NCAM1: variants seen among roughly 807,000 people sequenced by gnomAD.
NCAM1 encodes antigen recognized by monoclonal antibody 5.1H11.
Under a neutral mutation model 109.8 loss-of-function variants are expected in NCAM1, and 14 were observed. The ratio of observed to expected loss-of-function variants is 0.13; its 90% confidence interval spans 0.08 to 0.20. NCAM1 has a LOEUF of 0.20. Ranked by LOEUF, NCAM1 falls within the 10% of genes least tolerant of loss-of-function variation. The pLI is 1.00. For synonymous variants in NCAM1, 418 were observed against 442.9 expected (o/e 0.94, Z 0.70); for missense variants, 774 against 1,109.9 (o/e 0.70, Z 4.30).
chr11:113,092,943 C>G (rs1324357980), intron 1 of NCAM1, among the ~76,000 whole-genome samples: 1 of 152,152 alleles, frequency 6.6e-6, no homozygotes, highest in Admixed American at 6.5e-5. Flanking sequence ...TATGAAAATA[C>G]TAAATGCTAA....
rs1272777545 is a variant in NCAM1, at chr11:113,009,315, T to TTTTTGTTGTTG, written c.52+47655_52+47656insGTTGTTGTTTT. ...TTAATTGGAAGGGTTTTTTCGGGTT[T>TTTTTGTTGTTG]TTTTTTTTTTTTTTTTTTTTTTTTT... is the stretch of plus-strand genomic sequence containing the variant. On this transcript the variant is annotated intron_variant, in intron 1 of 19. Coordinates refer to ENST00000316851, the MANE Select transcript of NCAM1 (RefSeq NM_181351.5). Among the ~76,000 whole-genome samples the TTTTTGTTGTTG allele has an allele frequency of 5.5e-3, 517 of 93,658 alleles. 10 individuals carry two copies. The highest frequency in any genetic ancestry group is 0.017 in the South Asian group (30 of 1,794). 61.4% of individuals were successfully genotyped at this position (93,658 alleles called of 152,430 possible).
At chr11:113,056,882 T>C (rs1312216421) in intron 1 of NCAM1, among the ~76,000 whole-genome samples, 2 of 152,206 alleles carry the variant, frequency 1.3e-5, no homozygotes, top group Non-Finnish European at 2.9e-5. Flanking sequence ...CAGCGATAGA[T>C]AACTAATATA....
At chr11:113,043,110 G>A (rs571447609) in intron 1 of NCAM1, among the ~76,000 whole-genome samples, 2 of 152,162 alleles carry the variant, frequency 1.3e-5, no homozygotes, top group South Asian at 2.1e-4. Flanking sequence ...TTCCTCCCCA[G>A]GGTGGTAAAT....
At chr11:113,250,644 A>G (rs574908863) in intron 15 of NCAM1, among the ~76,000 whole-genome samples, 1 of 152,352 alleles carries the variant, frequency 6.6e-6, no homozygotes, top group Admixed American at 6.5e-5. Flanking sequence ...GTATTTTTAA[A>G]ACTAGACAGT....
intron 1 of NCAM1, among the ~76,000 whole-genome samples, chr11:113,100,440 G>A (rs1239288343): frequency 6.6e-6 from 1 of 152,148 alleles, no homozygotes; most frequent in Non-Finnish European, 1.5e-5. Flanking sequence ...ACCTTGCCCT[G>A]TTGGTCCCTG....
intron 1 of NCAM1, among the ~76,000 whole-genome samples, chr11:113,025,487 G>A (rs541104667): frequency 1.3e-5 from 2 of 152,046 alleles, no homozygotes; most frequent in Non-Finnish European, 2.9e-5. Context: ...GACACATGGT[G>A]TAAACGTAAA....
chr11:112,968,272 G>A (rs552498946), intron 1 of NCAM1, among the ~76,000 whole-genome samples: 145 of 152,254 alleles, frequency 9.5e-4, no homozygotes, highest in African/African-American at 2.8e-3. Flanking sequence ...TGTCACTGCC[G>A]ATATTCTTGT....
In NCAM1 at chr11:112,962,097, C is replaced by T. The variant is rs2134406971; in HGVS notation, c.52+433C>T. On this transcript the variant is annotated intron_variant, in intron 1 of 19. Coordinates refer to ENST00000316851, the MANE Select transcript of NCAM1 (RefSeq NM_181351.5). The surrounding 1 kb of genome is among the most constrained non-coding windows in gnomAD (Gnocchi z 5.6). ...GGGAAGTGGCTTGTCAGCCCCGGCTCCGGGAAGAGTGAACAATAAGGCTAG... is the reference window on the plus strand; with the variant it reads ...GGGAAGTGGCTTGTCAGCCCCGGCTTCGGGAAGAGTGAACAATAAGGCTAG... Among the ~76,000 whole-genome samples the T allele has an allele frequency of 6.6e-6, 1 of 152,264 alleles. No individual in the cohort carries two copies. The highest frequency in any genetic ancestry group is 1.9e-4 in the East Asian group (1 of 5,158).
intron 1 of NCAM1, among the ~76,000 whole-genome samples, chr11:112,997,536 G>C (rs1770524798): frequency 6.6e-6 from 1 of 151,974 alleles, no homozygotes; most frequent in African/African-American, 2.4e-5. Context: ...CAAATGATAG[G>C]GTCATGAGTT....
chr11:113,261,462 A>G (rs1945995754), intron 17 of NCAM1, among the ~76,000 whole-genome samples: 1 of 151,932 alleles, frequency 6.6e-6, no homozygotes, highest in Non-Finnish European at 1.5e-5. Context: ...CAGAAGCATC[A>G]ATTGGTCCAC....
At chr11:113,129,971 G>T (rs745832559) in intron 1 of NCAM1, among the ~76,000 whole-genome samples, 6 of 152,156 alleles carry the variant, frequency 3.9e-5, no homozygotes, top group South Asian at 4.1e-4. Context: ...TTATTATCAC[G>T]TTTTTTAACA....
chr11:113,261,564 G>A (rs754462343), intron 17 of NCAM1, among the ~76,000 whole-genome samples: 1 of 152,156 alleles, frequency 6.6e-6, no homozygotes, highest in Non-Finnish European at 1.5e-5. Flanking sequence ...GGCAAGGCAC[G>A]TGGGCAAGGC....
chr11:113,160,821 G>A (rs1942577174), intron 1 of NCAM1, among the ~76,000 whole-genome samples: 1 of 152,194 alleles, frequency 6.6e-6, no homozygotes, highest in Non-Finnish European at 1.5e-5. Context: ...GTACAATGAA[G>A]CCCAAGCTCG....
intron 1 of NCAM1, among the ~76,000 whole-genome samples, chr11:113,150,778 C>A (rs1385738506): frequency 6.6e-6 from 1 of 152,016 alleles, no homozygotes; most frequent in Non-Finnish European, 1.5e-5. Context: ...TATCAGGAGA[C>A]CTTGTGAAGG....
intron 1 of NCAM1, among the ~76,000 whole-genome samples, chr11:113,038,859 C>G (rs572038056): frequency 1.3e-5 from 2 of 152,290 alleles, no homozygotes; most frequent in East Asian, 3.9e-4. Flanking sequence ...TGCAGTCACA[C>G]CCTTATGGCT....
chr11:113,196,724 T>A (rs530661025), intron 1 of NCAM1, among the ~76,000 whole-genome samples: 1 of 152,354 alleles, frequency 6.6e-6, no homozygotes, highest in East Asian at 1.9e-4. Flanking sequence ...TCAGGTAGTC[T>A]GGGCTGGTGT....
intron 14 of NCAM1, among the ~76,000 whole-genome samples, chr11:113,240,335 CAT>C (rs1945285320): frequency 6.6e-6 from 1 of 152,172 alleles, no homozygotes. Context: ...TAAATAAAGT[CAT>C]ATGTGGAAAT....
At chr11:112,977,558 T>C (rs1039319021) in intron 1 of NCAM1, 2 of 151,894 alleles carry the variant, frequency 1.3e-5, no homozygotes, top group African/African-American at 2.4e-5. Flanking sequence ...TCTTGTCCCA[T>C]ATAAATGAGT....
intron 1 of NCAM1, among the ~76,000 whole-genome samples, chr11:113,011,941 C>G (rs1952067644): frequency 6.6e-6 from 1 of 151,030 alleles, no homozygotes; most frequent in Non-Finnish European, 1.5e-5. Flanking sequence ...TTCCTTCTCT[C>G]CTTCTCTCCT....
Sources: allele counts gnomAD v4.1 joint callset (sites outside exome capture counted in the v4.1 genomes callset), GRCh38; gene constraint gnomAD v4.1.1; non-coding constraint Gnocchi (gnomAD v3.1); transcripts MANE v1.5; gene names NCBI Gene and HGNC (gene_info 2026-07-23, HGNC 2026-07-21).